RAB18: variants seen among roughly 807,000 people sequenced by gnomAD.
RAB18 encodes the protein RAB18, member RAS oncogene family.
Under a neutral mutation model 28.5 loss-of-function variants are expected in RAB18, and 10 were observed. The observed-to-expected ratio is 0.35, with a 90% CI of 0.22 to 0.60. The LOEUF (loss-of-function observed/expected upper bound fraction) is 0.60, where lower values mean the gene tolerates loss of function less well. Among genes scored for constraint, RAB18 ranks in the 20% least tolerant of loss-of-function variants. RAB18 has a pLI of 0.78. For missense variants in RAB18, 188 were observed against 244.2 expected (o/e 0.77, Z 1.53); for synonymous variants, 93 against 86.9 (o/e 1.07, Z -0.39).
rs534830726 is a variant in RAB18 at position 27,536,000 on chromosome 10, T to G, written c.446-1876T>G. Reference sequence around the variant, plus strand: ...TGGGAGGCTGAGGCAGGAGAATTGCTTGAACCTGGGAGGCGGAGCTTGCAG... The same window carrying G: ...TGGGAGGCTGAGGCAGGAGAATTGCGTGAACCTGGGAGGCGGAGCTTGCAG... On this transcript the variant is annotated intron_variant, in intron 6 of 6. Transcript: ENST00000356940. Among the ~76,000 whole-genome samples, 10 of 150,822 alleles carry G rather than the reference T, an allele frequency of 6.6e-5. No individual in the cohort carries two copies. In the South Asian group the frequency reaches 1.0e-3, roughly 16 times the overall value.
intron 2 of RAB18, among the ~76,000 whole-genome samples, chr10:27,517,583 A>G (rs1393175038): frequency 6.6e-6 from 1 of 152,210 alleles, no homozygotes; most frequent in African/African-American, 2.4e-5. Flanking sequence ...TCCTCAATTG[A>G]AAAGAAGTAG....
chr10:27,531,704 T>G (rs901607113), intron 3 of RAB18: 2 of 686,428 alleles, frequency 2.9e-6, no homozygotes, highest in East Asian at 2.7e-5. Context: ...CTTAGGTACC[T>G]TGAATCCATA....
At chr10:27,534,096 G>A in intron 6 of RAB18, 102 bp downstream of exon 6, 2 of 1,161,084 alleles carry the variant, frequency 1.7e-6, no homozygotes, top group Non-Finnish European at 2.6e-6. Context: ...AATGTGTTTA[G>A]AGTATTGTTC....
In RAB18 at chr10:27,542,105, C is replaced by A. The variant is rs1223622842; in HGVS notation, c.*4054C>A. ...CGTTTTTCTAATATAAAGGAACCAG[C>A]CTGAGGCAGTACCAGGGTGAGAGGG... On this transcript the variant is annotated 3_prime_UTR_variant, in exon 7 of 7. Coordinates refer to ENST00000356940, the MANE Select transcript of RAB18 (RefSeq NM_021252.5). 4.4e-6 allele frequency: 2 copies of A among 453,922 alleles called. No individual in the cohort carries two copies. Among genetic ancestry groups the A allele is most frequent in the African/African-American group, 4.0e-5 (2 of 49,980 alleles). The allele number at this position is 453,922 out of a possible 1,614,324, so 28.1% of individuals were successfully genotyped here. A position where few individuals can be genotyped will look rare whatever the true frequency, so the allele number is the denominator to read the frequency against.
At chr10:27,526,499 C>G (rs755211148) in intron 2 of RAB18, among the ~76,000 whole-genome samples, 1 of 152,140 alleles carries the variant, frequency 6.6e-6, no homozygotes, top group Non-Finnish European at 1.5e-5. Flanking sequence ...GGATAGTCTT[C>G]TTTATGTGAG....
At chr10:27,535,191 G>A (rs1258353746) in intron 6 of RAB18, among the ~76,000 whole-genome samples, 2 of 152,196 alleles carry the variant, frequency 1.3e-5, no homozygotes, top group Non-Finnish European at 1.5e-5. Context: ...GCTGCATGTG[G>A]CCCAGGATGG....
At chr10:27,536,085 A>AG (rs1225673496) in intron 6 of RAB18, among the ~76,000 whole-genome samples, 1 of 151,860 alleles carries the variant, frequency 6.6e-6, no homozygotes, top group East Asian at 1.9e-4. Context: ...CTGTCTCAAA[A>AG]AAAAAAAAAG....
intron 2 of RAB18, among the ~76,000 whole-genome samples, chr10:27,526,430 C>T (rs1834673749): frequency 6.6e-6 from 1 of 152,262 alleles, no homozygotes; most frequent in African/African-American, 2.4e-5. Context: ...GCACTCTTAA[C>T]AGTAGCATGT....
chr10:27,504,681 G>T (rs759941132), intron 1 of RAB18: 3 of 729,018 alleles, frequency 4.1e-6, no homozygotes, highest in Admixed American at 1.9e-5. Context: ...CCCTCCTGTA[G>T]CGCCGAGAAA....
Position 27,541,862 on chromosome 10 carries a change from G to A in RAB18, c.*3811G>A, listed in dbSNP as rs992873501. ...CACCCCTGCAAACAATTGGCATGTGGTTTGGGTGGCATTGTCACACCCTCG... is the reference window on the plus strand; with the variant it reads ...CACCCCTGCAAACAATTGGCATGTGATTTGGGTGGCATTGTCACACCCTCG... On this transcript the variant is annotated 3_prime_UTR_variant, in exon 7 of 7. Coordinates refer to ENST00000356940, the MANE Select transcript of RAB18 (RefSeq NM_021252.5). 4.4e-6 allele frequency: 2 copies of A among 453,482 alleles called. No individual in the cohort carries two copies. The highest frequency in any genetic ancestry group is 4.0e-5 in the African/African-American group (2 of 49,848). 28.1% of individuals were successfully genotyped at this position (453,482 alleles called of 1,614,324 possible).
chr10:27,532,102 C>T (rs992469670), intron 3 of RAB18, among the ~76,000 whole-genome samples: 5 of 151,112 alleles, frequency 3.3e-5, no homozygotes, highest in Non-Finnish European at 7.4e-5. Context: ...CTTGATTCTA[C>T]ATTAAAAGCA....
At position 27,538,223 on chromosome 10, in the gene RAB18, GTAAGCATGCACAGT is replaced by G. The variant is rs751126975; in HGVS notation, c.*174_*187del. ...CATCGACCCCGGGTAAAATGTTATG[GTAAGCATGCACAGT>G]TTGCAGTCTACAGTTTTTTTATGTA... On this transcript the variant is annotated 3_prime_UTR_variant, in exon 7 of 7. Transcript: ENST00000356940. 7.1e-5 allele frequency: 61 copies of G among 859,206 alleles called. 2 individuals carry two copies. The South Asian group carries it at 8.7e-4, about 12-fold the overall frequency. 53.2% of individuals were successfully genotyped at this position (859,206 alleles called of 1,614,324 possible).
intron 1 of RAB18, among the ~76,000 whole-genome samples, chr10:27,507,286 T>TG (rs1242028833): frequency 6.6e-5 from 10 of 152,182 alleles, no homozygotes; most frequent in African/African-American, 2.4e-4. Context: ...CTAAAGGGTA[T>TG]GTGATAGTAG....
At chr10:27,523,265 CTTT>C (rs34006982) in intron 2 of RAB18, among the ~76,000 whole-genome samples, 2,151 of 79,402 alleles carry the variant, frequency 0.027, 30 homozygotes, top group African/African-American at 0.1. Context: ...TTTTCTTCTT[CTTT>C]TTTTTTTTTT....
intron 2 of RAB18, among the ~76,000 whole-genome samples, chr10:27,518,402 A>G (rs1834481780): frequency 1.3e-5 from 2 of 152,256 alleles, no homozygotes; most frequent in Non-Finnish European, 2.9e-5. Context: ...CACCTATTAT[A>G]TATCTACGAG....
chr10:27,521,275 G>T (rs1235695431), intron 2 of RAB18, among the ~76,000 whole-genome samples: 1 of 152,072 alleles, frequency 6.6e-6, no homozygotes, highest in African/African-American at 2.4e-5. Flanking sequence ...GGAGTATTCT[G>T]TTGGCTCTAA....
Position 27,538,722 on chromosome 10 carries a change from A to G in RAB18, c.*671A>G, listed in dbSNP as rs1237840853. The G allele has an allele frequency of 2.6e-5, 12 of 453,994 alleles. No homozygotes were observed. The highest frequency in any genetic ancestry group is 4.7e-5 in the Admixed American group (2 of 42,556). The allele number at this position is 453,994 out of a possible 1,614,324, so 28.1% of individuals were successfully genotyped here. The stretch of plus-strand genomic sequence containing the variant: ...GGAGTTTTAATCCTGTGATATGTAC[A>G]TTGGATTCATGACTGTGCAGCATTT... On this transcript the variant is annotated 3_prime_UTR_variant, in exon 7 of 7. Transcript: ENST00000356940.
intron 3 of RAB18, among the ~76,000 whole-genome samples, chr10:27,528,025 G>T (rs1834713616): frequency 6.6e-6 from 1 of 151,998 alleles, no homozygotes; most frequent in Admixed American, 6.6e-5. Context: ...ACTAGAGTAT[G>T]GTAAAATGTG....
intron 2 of RAB18, among the ~76,000 whole-genome samples, chr10:27,524,127 G>A (rs925495899): frequency 2.6e-5 from 4 of 152,012 alleles, no homozygotes; most frequent in Middle Eastern, 3.2e-3. Flanking sequence ...ACGAAGTCTC[G>A]CTGTTTTGCT....
Sources: gnomAD v4.1 joint callset for allele counts (sites outside exome capture counted in the v4.1 genomes callset) on GRCh38, gnomAD v4.1.1 for gene constraint, MANE v1.5 for transcripts, NCBI Gene and HGNC (gene_info 2026-07-23, HGNC 2026-07-21) for gene names.